The following ZNF277 variants were observed in gnomAD, a reference collection of about 807,000 sequenced individuals.
ZNF277 encodes the protein zinc finger protein 277.
In ZNF277, 55 loss-of-function variants were observed where a neutral mutation model predicts 60.7. The observed-to-expected ratio is 0.91, with a 90% confidence interval of 0.73 to 1.13. The LOEUF is 1.13. Among genes scored for constraint, ZNF277 ranks in the 50% most tolerant of loss-of-function variants. The pLI is 0.00. For missense variants in ZNF277, 510 were observed against 523.0 expected, an observed-to-expected ratio of 0.98 and a Z score of 0.24; for synonymous variants, 178 against 179.3, an observed-to-expected ratio of 0.99 and a Z score of 0.06.
At chr7:112,263,242 T>G (rs1791473526) in intron 1 of ZNF277, among the ~76,000 whole-genome samples, 1 of 152,210 alleles carries the variant, frequency 6.6e-6, no homozygotes. Flanking sequence ...GGTTAGGGAC[T>G]GGCCAACTGT....
At chr7:112,263,747 TG>T (rs1248579931) in intron 1 of ZNF277, among the ~76,000 whole-genome samples, 1 of 152,238 alleles carries the variant, frequency 6.6e-6, no homozygotes, top group Non-Finnish European at 1.5e-5. Flanking sequence ...TTGCTTTCCA[TG>T]CCAGTGGGCT....
At chr7:112,334,344 T>G (rs1793286812) in intron 7 of ZNF277, among the ~76,000 whole-genome samples, 1 of 152,080 alleles carries the variant, frequency 6.6e-6, no homozygotes, top group Admixed American at 6.6e-5. Context: ...TCTTACATTC[T>G]TTGCTTTCCT....
In ZNF277 at chr7:112,340,108, A is replaced by G. The variant is rs145353755; in HGVS notation, c.1009+223A>G. Among the ~76,000 whole-genome samples, 526 of 152,286 alleles carry G rather than the reference A, an allele frequency of 3.5e-3. 1 individual carries two copies. Among genetic ancestry groups the G allele is most frequent in the Non-Finnish European group, 5.7e-3 (390 of 68,020 alleles). ...CTCCTTCTTTCTCTTTCCTACATAT[A>G]TGAGTGCTTCAAGTGAAATATAAGT... is the stretch of plus-strand genomic sequence containing the variant. On this transcript the variant is annotated intron_variant, in intron 10 of 11. Transcript: ENST00000361822.
At chr7:112,302,074 T>C (rs1792484818) in intron 4 of ZNF277, among the ~76,000 whole-genome samples, 1 of 152,138 alleles carries the variant, frequency 6.6e-6, no homozygotes, top group Non-Finnish European at 1.5e-5. Context: ...CTTAACTAAA[T>C]TGGGAAAGAA....
chr7:112,340,288 A>G (rs1197915141), intron 10 of ZNF277, among the ~76,000 whole-genome samples: 1 of 152,192 alleles, frequency 6.6e-6, no homozygotes, highest in Non-Finnish European at 1.5e-5. Context: ...TGTATGGTAA[A>G]TGGCTACTGC....
rs147283753 is a variant in ZNF277 at position 112,223,644 on chromosome 7, A to G, written c.91+16837A>G. Among the ~76,000 whole-genome samples the G allele has an allele frequency of 7.3e-3, 1,111 of 152,282 alleles. 9 individuals carry two copies. Among genetic ancestry groups the G allele is most frequent in the Middle Eastern group, 0.02 (6 of 294 alleles). On this transcript the variant is annotated intron_variant, in intron 1 of 11. Transcript: ENST00000361822. Reference sequence around the variant, plus strand: ...GGTTTTTAGACTCCACTGGGGTTTTAGAAACTCCTGCCTAAATCCCAAGGC... The same window carrying G: ...GGTTTTTAGACTCCACTGGGGTTTTGGAAACTCCTGCCTAAATCCCAAGGC...
At chr7:112,313,465 T>G (rs1792776566) in intron 4 of ZNF277, among the ~76,000 whole-genome samples, 1 of 151,906 alleles carries the variant, frequency 6.6e-6, no homozygotes, top group Non-Finnish European at 1.5e-5. Context: ...TTATTTTTAG[T>G]AATGATGGGG....
chr7:112,245,052 T>A (rs971335649), intron 1 of ZNF277, among the ~76,000 whole-genome samples: 1 of 152,174 alleles, frequency 6.6e-6, no homozygotes, highest in Non-Finnish European at 1.5e-5. Flanking sequence ...TTTGAATAAA[T>A]GTTGGTTTAC....
intron 1 of ZNF277, among the ~76,000 whole-genome samples, chr7:112,274,716 T>C (rs183904590): frequency 1.3e-5 from 2 of 152,334 alleles, no homozygotes; most frequent in East Asian, 1.9e-4. Flanking sequence ...TGCCAACTCA[T>C]TTCATTAAAG....
intron 1 of ZNF277, among the ~76,000 whole-genome samples, chr7:112,281,600 A>G (rs771660063): frequency 1.3e-5 from 2 of 152,244 alleles, no homozygotes; most frequent in Non-Finnish European, 2.9e-5. Flanking sequence ...CAAGGCCCAT[A>G]GCACTAAACA....
At chr7:112,256,166 C>T (rs570723809) in intron 1 of ZNF277, among the ~76,000 whole-genome samples, 7 of 152,080 alleles carry the variant, frequency 4.6e-5, no homozygotes, top group South Asian at 2.1e-4. Flanking sequence ...GCATGGCACA[C>T]GTAAATCATG....
chr7:112,323,426 A>G (rs1435676650), intron 5 of ZNF277, among the ~76,000 whole-genome samples: 1 of 152,222 alleles, frequency 6.6e-6, no homozygotes, highest in African/African-American at 2.4e-5. Context: ...ATCATGTCAA[A>G]TAAAGACAAA....
chr7:112,310,478 A>AGAGAGAGAGTGT (rs762824873), intron 4 of ZNF277, among the ~76,000 whole-genome samples: 6 of 125,512 alleles, frequency 4.8e-5, no homozygotes, highest in African/African-American at 1.9e-4. Flanking sequence ...AGAGAGAGAG[A>AGAGAGAGAGTGT]GTGTGTGTGT....
intron 2 of ZNF277, among the ~76,000 whole-genome samples, chr7:112,289,692 A>G (rs145339491): frequency 2.9e-4 from 44 of 152,292 alleles, no homozygotes; most frequent in African/African-American, 8.9e-4. Context: ...GAAATACTAC[A>G]TAGGTTATTC....
intron 4 of ZNF277, 111 bp from the exon 5 acceptor site, chr7:112,318,071 T>A (rs189076785): frequency 1.3e-6 from 1 of 796,602 alleles, no homozygotes. Flanking sequence ...TGGCAACTTT[T>A]ATATACTCCC....
intron 6 of ZNF277, among the ~76,000 whole-genome samples, chr7:112,329,037 G>A (rs1432994590): frequency 6.6e-6 from 1 of 151,926 alleles, no homozygotes; most frequent in Admixed American, 6.6e-5. Context: ...AGCAAGATTA[G>A]CAATAATGAA....
intron 1 of ZNF277, among the ~76,000 whole-genome samples, chr7:112,240,388 A>C (rs1051610748): frequency 1.3e-5 from 2 of 152,170 alleles, no homozygotes; most frequent in Non-Finnish European, 2.9e-5. Flanking sequence ...GTCAACAATA[A>C]TTGTACATTT....
chr7:112,326,371 C>G (rs1012890295), intron 5 of ZNF277, among the ~76,000 whole-genome samples: 34 of 152,066 alleles, frequency 2.2e-4, no homozygotes, highest in Admixed American at 2.0e-3. Context: ...ACCCTTCCCC[C>G]ACCCCAAAAC....
chr7:112,234,438 G>T (rs918765444), intron 1 of ZNF277, among the ~76,000 whole-genome samples: 1 of 152,088 alleles, frequency 6.6e-6, no homozygotes, highest in Admixed American at 6.6e-5. Context: ...GCTCTATGGG[G>T]ACTCTTTTTA....
Sources: allele counts gnomAD v4.1 joint callset (sites outside exome capture counted in the v4.1 genomes callset), GRCh38; gene constraint gnomAD v4.1.1; transcripts MANE v1.5; gene names NCBI Gene and HGNC (gene_info 2026-07-23, HGNC 2026-07-21).